DPYSL3: variants seen among roughly 807,000 people sequenced by gnomAD.
DPYSL3 encodes dihydropyrimidinase like 3.
Under a neutral mutation model 66.1 loss-of-function variants are expected in DPYSL3, and 16 were observed. That is an observed-to-expected ratio of 0.24 (90% CI 0.16 to 0.37). The LOEUF is 0.37. Ranked by LOEUF, DPYSL3 falls within the 10% of genes least tolerant of loss-of-function variation. The pLI, the probability that DPYSL3 is intolerant of heterozygous loss-of-function variation, is 1.00. For missense variants in DPYSL3, 738 were observed against 916.2 expected (o/e 0.81, Z 2.51); for synonymous variants, 338 against 345.1 (o/e 0.98, Z 0.23).
chr5:147,448,327 G>A (rs888711410), intron 1 of DPYSL3, among the ~76,000 whole-genome samples: 1 of 152,090 alleles, frequency 6.6e-6, no homozygotes, highest in African/African-American at 2.4e-5. Context: ...AAGTTCAAAG[G>A]CGGTCTAATG....
intron 2 of DPYSL3, among the ~76,000 whole-genome samples, chr5:147,422,095 A>G (rs1190367554): frequency 2.6e-5 from 4 of 152,174 alleles, no homozygotes; most frequent in African/African-American, 9.6e-5. Flanking sequence ...TTTGCAATCT[A>G]TCCATCTGAC....
chr5:147,456,573 C>G (rs543066245), intron 1 of DPYSL3, among the ~76,000 whole-genome samples: 1 of 147,380 alleles, frequency 6.8e-6, no homozygotes, highest in South Asian at 2.2e-4. Flanking sequence ...GCAAATGCTA[C>G]TGATTCTATT....
At chr5:147,403,900 A>C (rs999986785) in intron 8 of DPYSL3, among the ~76,000 whole-genome samples, 1 of 152,184 alleles carries the variant, frequency 6.6e-6, no homozygotes, top group Non-Finnish European at 1.5e-5. Flanking sequence ...ATGTGCCAAA[A>C]GGCTCAGGGT....
intron 1 of DPYSL3, among the ~76,000 whole-genome samples, chr5:147,479,337 G>T (rs922388725): frequency 2.6e-5 from 4 of 152,188 alleles, no homozygotes; most frequent in African/African-American, 9.7e-5. Context: ...GCCGGGCTAT[G>T]CTGCTGAAAT....
intron 8 of DPYSL3, chr5:147,401,918 G>C (rs1758193477): frequency 2.2e-6 from 1 of 445,482 alleles, no homozygotes; most frequent in Non-Finnish European, 3.8e-6. Context: ...TTGGTTGTTA[G>C]ATGCAGTGTT....
intron 1 of DPYSL3, among the ~76,000 whole-genome samples, chr5:147,448,044 T>C (rs1285818314): frequency 6.6e-6 from 1 of 152,148 alleles, no homozygotes; most frequent in East Asian, 1.9e-4. Context: ...ATAAAATATG[T>C]CAATAGGTAA....
intron 8 of DPYSL3, among the ~76,000 whole-genome samples, chr5:147,403,055 A>G (rs1758238595): frequency 6.6e-6 from 1 of 152,230 alleles, no homozygotes; most frequent in Non-Finnish European, 1.5e-5. Context: ...TTTCAACTCC[A>G]TTCAACTGGT....
chr5:147,401,890 C>G, intron 8 of DPYSL3, 194 bp from the exon 9 acceptor site: 1 of 520,416 alleles, frequency 1.9e-6, no homozygotes. Flanking sequence ...TTTGTATTCT[C>G]TAGATTAAAA....
At chr5:147,402,530 G>A (rs1169494924) in intron 8 of DPYSL3, among the ~76,000 whole-genome samples, 2 of 147,724 alleles carry the variant, frequency 1.4e-5, no homozygotes, top group Non-Finnish European at 2.9e-5. Flanking sequence ...TGTATTTTTA[G>A]TAGAGACGGG....
intron 7 of DPYSL3, among the ~76,000 whole-genome samples, chr5:147,408,505 A>G (rs1751768634): frequency 6.6e-6 from 1 of 152,212 alleles, no homozygotes; most frequent in Middle Eastern, 3.2e-3. Flanking sequence ...ATAGCTGTGA[A>G]GGACACTCCA....
chr5:147,428,910 T>C (rs1467516953), intron 1 of DPYSL3, among the ~76,000 whole-genome samples: 1 of 151,998 alleles, frequency 6.6e-6, no homozygotes, highest in Non-Finnish European at 1.5e-5. Flanking sequence ...ATGGCACATG[T>C]TTACCTATGT....
chr5:147,474,897 C>G (rs144869047), intron 1 of DPYSL3, among the ~76,000 whole-genome samples: 86 of 152,054 alleles, frequency 5.7e-4, no homozygotes, highest in African/African-American at 1.8e-3. Flanking sequence ...ATTTTCATCA[C>G]TCAAAAAATC....
intron 1 of DPYSL3, among the ~76,000 whole-genome samples, chr5:147,477,561 CTTTTTTTTT>C (rs56406515): frequency 4.6e-5 from 3 of 64,758 alleles, no homozygotes; most frequent in East Asian, 4.5e-4. Flanking sequence ...ACACCTAAAT[CTTTTTTTTT>C]TTTTTTTTTT....
Position 147,479,372 on chromosome 5 carries a change from A to G in DPYSL3, c.381+30106T>C, listed in dbSNP as rs375269306. Among the ~76,000 whole-genome samples the G allele has an allele frequency of 9.2e-5, 14 of 152,326 alleles. No homozygotes were observed. In the East Asian group the frequency reaches 2.1e-3, roughly 23 times the overall value. On this transcript the variant is annotated intron_variant, in intron 1 of 13. Transcript: ENST00000343218. The stretch of plus-strand genomic sequence containing the variant: ...TTCAGGTCTCAGCGCCTTTGGCTGT[A>G]TATTCTAAGAGATGCTGCAACATAA...
intron 1 of DPYSL3, among the ~76,000 whole-genome samples, chr5:147,478,915 A>G (rs927589763): frequency 3.3e-5 from 5 of 152,332 alleles, no homozygotes; most frequent in Middle Eastern, 3.4e-3. Flanking sequence ...CCCTGAAGAC[A>G]AAAACTTTAT....
chr5:147,423,641 T>C (rs1466363861), intron 2 of DPYSL3, among the ~76,000 whole-genome samples: 1 of 152,200 alleles, frequency 6.6e-6, no homozygotes, highest in Non-Finnish European at 1.5e-5. Flanking sequence ...GTCTCCTTAC[T>C]CTCAAAGGAG....
chr5:147,472,590 T>C (rs1015320290), intron 1 of DPYSL3: 1 of 152,184 alleles, frequency 6.6e-6, no homozygotes, highest in South Asian at 2.1e-4. Flanking sequence ...TTTTCCATCA[T>C]GTTACAAATT....
At position 147,495,043 on chromosome 5, in the gene DPYSL3, T is replaced by C. The variant is rs535009909; in HGVS notation, c.381+14435A>G. On this transcript the variant is annotated intron_variant, in intron 1 of 13. Transcript: ENST00000343218. ...ATTTGAATAGGTAAGCCTGTATCTA[T>C]TAAAGAAACCAAATCAATAATTACC... Among the ~76,000 whole-genome samples the C allele has an allele frequency of 7.1e-4, 108 of 152,212 alleles. No homozygotes were observed. In the South Asian group the frequency reaches 0.016, roughly 22 times the overall value.
rs781502216 is a variant in DPYSL3, at chr5:147,400,877, G to A, written c.1311-44C>T. ...TCCACATGAACAGGGGAGATGGCTG[G>A]AGGCACACTGGGAGCTTAGAGTCTT... On this transcript the variant is annotated intron_variant, in intron 9 of 13. Transcript: ENST00000343218. 1.9e-6 allele frequency: 3 copies of A among 1,597,676 alleles called. No individual in the cohort carries two copies. In the South Asian group the frequency reaches 3.4e-5, roughly 18 times the overall value.
Sources: allele counts gnomAD v4.1 joint callset (sites outside exome capture counted in the v4.1 genomes callset), GRCh38; gene constraint gnomAD v4.1.1; transcripts MANE v1.5; gene names NCBI Gene and HGNC (gene_info 2026-07-23, HGNC 2026-07-21).